The following NRXN3 variants were observed in gnomAD, a reference collection of about 807,000 sequenced individuals.
The protein encoded by NRXN3 is neurexin 3.
In NRXN3, 32 loss-of-function variants were observed where a neutral mutation model predicts 137.6. The ratio of observed to expected loss-of-function variants is 0.23; its 90% CI spans 0.18 to 0.31. The LOEUF (loss-of-function observed/expected upper bound fraction) is 0.31. Ranked by LOEUF, NRXN3 falls within the 10% of genes least tolerant of loss-of-function variation. The pLI is 1.00. For missense variants in NRXN3, 1,574 were observed against 2,062.5 expected, an observed-to-expected ratio of 0.76 and a Z score of 4.59; for synonymous variants, 798 against 784.5, an observed-to-expected ratio of 1.02 and a Z score of -0.29.
At chr14:78,331,054 G>GT (rs1352097401) in intron 4 of NRXN3, among the ~76,000 whole-genome samples, 1 of 152,086 alleles carries the variant, frequency 6.6e-6, no homozygotes, top group Non-Finnish European at 1.5e-5. Flanking sequence ...CAGGGCTCTA[G>GT]TTCTTAGATT....
chr14:78,235,026 G>GTA (rs377371263), intron 1 of NRXN3, among the ~76,000 whole-genome samples: 8,277 of 84,544 alleles, frequency 0.098, 618 homozygotes, highest in Middle Eastern at 0.14. Flanking sequence ...ATATATATGT[G>GTA]TATATATATA....
chr14:78,565,371 G>C (rs2152288019), intron 4 of NRXN3, among the ~76,000 whole-genome samples: 1 of 152,322 alleles, frequency 6.6e-6, no homozygotes, highest in East Asian at 1.9e-4. Context: ...TTCAGGTAGA[G>C]AGCTTTTCCA....
intron 17 of NRXN3, among the ~76,000 whole-genome samples, chr14:79,673,681 T>A (rs563128117): frequency 5.9e-5 from 9 of 152,218 alleles, no homozygotes; most frequent in African/African-American, 2.2e-4. Context: ...CTACTTTATA[T>A]GTGAATTCAT....
intron 6 of NRXN3, among the ~76,000 whole-genome samples, chr14:78,659,706 T>C (rs2097819480): frequency 7.6e-6 from 1 of 130,890 alleles, no homozygotes; most frequent in African/African-American, 3.3e-5. Flanking sequence ...ATTTTTTGTG[T>C]GTGAGGACAA....
intron 1 of NRXN3, among the ~76,000 whole-genome samples, chr14:78,198,964 G>C (rs531447915): frequency 6.6e-6 from 1 of 152,252 alleles, no homozygotes; most frequent in East Asian, 1.9e-4. Flanking sequence ...TGGTGGCAGA[G>C]AAAAAAACCT....
At chr14:79,491,205 C>T (rs569444018) in intron 16 of NRXN3, among the ~76,000 whole-genome samples, 2 of 152,252 alleles carry the variant, frequency 1.3e-5, no homozygotes, top group South Asian at 4.1e-4. Context: ...ACCATGCTTG[C>T]TGCTCACAAG....
intron 15 of NRXN3, among the ~76,000 whole-genome samples, chr14:79,151,612 G>A (rs1383063717): frequency 6.6e-6 from 1 of 151,948 alleles, no homozygotes; most frequent in Non-Finnish European, 1.5e-5. Flanking sequence ...CCTAACCAAT[G>A]GCCAGCTCAA....
chr14:79,331,344 C>G (rs2091654555), intron 15 of NRXN3, among the ~76,000 whole-genome samples: 1 of 152,136 alleles, frequency 6.6e-6, no homozygotes, highest in African/African-American at 2.4e-5. Context: ...TCTAGATTCA[C>G]AGGACTATTT....
At chr14:79,800,064 T>TA (rs1383721288) in intron 19 of NRXN3, among the ~76,000 whole-genome samples, 1 of 152,196 alleles carries the variant, frequency 6.6e-6, no homozygotes, top group Non-Finnish European at 1.5e-5. Context: ...ATAGAGTTTT[T>TA]AAAAAATGCT....
At chr14:79,613,344 T>G (rs1177000632) in intron 16 of NRXN3, among the ~76,000 whole-genome samples, 1 of 152,230 alleles carries the variant, frequency 6.6e-6, no homozygotes, top group African/African-American at 2.4e-5. Flanking sequence ...AATTTTTAAT[T>G]GGTATGTGTG....
At chr14:79,611,548 T>A (rs920869530) in intron 16 of NRXN3, 3 of 152,292 alleles carry the variant, frequency 2.0e-5, no homozygotes, top group African/African-American at 7.2e-5. Flanking sequence ...TGCAGTGAGC[T>A]GAGATCATGC....
At chr14:79,773,561 A>G (rs1261651585) in intron 19 of NRXN3, among the ~76,000 whole-genome samples, 1 of 143,050 alleles carries the variant, frequency 7.0e-6, no homozygotes, top group African/African-American at 2.6e-5. Context: ...TCTCACTCAT[A>G]GGTGGGAATT....
intron 4 of NRXN3, chr14:78,615,176 C>A (rs759200511): frequency 1.1e-5 from 5 of 441,140 alleles, no homozygotes; most frequent in Non-Finnish European, 1.8e-5. Context: ...TACCATTGAA[C>A]TTTTATCTCA....
intron 19 of NRXN3, among the ~76,000 whole-genome samples, chr14:79,767,110 T>C (rs1483826022): frequency 6.6e-6 from 1 of 152,230 alleles, no homozygotes; most frequent in Non-Finnish European, 1.5e-5. Context: ...GACTTCCCAT[T>C]GCTCTTGGAG....
chr14:79,471,780 G>A (rs370939714), intron 16 of NRXN3, among the ~76,000 whole-genome samples: 1 of 152,108 alleles, frequency 6.6e-6, no homozygotes, highest in Non-Finnish European at 1.5e-5. Flanking sequence ...AGTAACTGGG[G>A]CAAATGAAGA....
At chr14:79,407,491 G>A (rs2095337603) in intron 15 of NRXN3, among the ~76,000 whole-genome samples, 1 of 152,112 alleles carries the variant, frequency 6.6e-6, no homozygotes, top group African/African-American at 2.4e-5. Flanking sequence ...ATAACTAACT[G>A]TTTGGGTTTA....
chr14:79,172,280 A>G (rs1015921397), intron 15 of NRXN3, among the ~76,000 whole-genome samples: 12 of 151,920 alleles, frequency 7.9e-5, no homozygotes, highest in African/African-American at 2.7e-4. Flanking sequence ...TTGAGCTTCC[A>G]TTGCCTTACT....
rs1230437954 is a variant in NRXN3 at position 79,867,993 on chromosome 14, A to G, written c.*6029A>G. The stretch of plus-strand genomic sequence containing the variant: ...TTTTTAATGATTACATGGGTTCTAG[A>G]GTCAAAATGCCATGGCTCATCTGGT... On this transcript the variant is annotated 3_prime_UTR_variant, in exon 21 of 21. Transcript: ENST00000335750. The G allele has an allele frequency of 6.6e-6, 1 of 151,896 alleles. No individual in the cohort carries two copies. Among genetic ancestry groups the G allele is most frequent in the African/African-American group, 2.4e-5 (1 of 41,328 alleles). 9.4% of individuals were successfully genotyped at this position (151,896 alleles called of 1,614,324 possible). A position where few individuals can be genotyped will look rare whatever the true frequency, so the allele number is the denominator to read the frequency against.
intron 8 of NRXN3, among the ~76,000 whole-genome samples, chr14:78,783,963 C>G (rs185143061): frequency 1.3e-5 from 2 of 150,786 alleles, no homozygotes; most frequent in Non-Finnish European, 2.9e-5. Context: ...TACTATGGAC[C>G]AGGCACTCTT....
Sources: allele counts gnomAD v4.1 joint callset (sites outside exome capture counted in the v4.1 genomes callset), GRCh38; gene constraint gnomAD v4.1.1; transcripts MANE v1.5; gene names NCBI Gene and HGNC (gene_info 2026-07-23, HGNC 2026-07-21).